COTL1: variants seen among roughly 807,000 people sequenced by gnomAD.
COTL1 encodes coactosin like F-actin binding protein 1.
Under a neutral mutation model 16.5 loss-of-function variants are expected in COTL1, and 15 were observed. That is an observed-to-expected ratio of 0.91 (90% CI 0.61 to 1.40). COTL1 has a LOEUF of 1.40. Ranked by LOEUF, COTL1 falls within the 40% of genes most tolerant of loss-of-function variation. COTL1 has a pLI of 0.00. For synonymous variants in COTL1, 112 were observed against 85.3 expected (o/e 1.31, Z -1.73); for missense variants, 220 against 201.5 (o/e 1.09, Z -0.56).
rs1473103307 is a variant in COTL1, at chr16:84,590,305, C to G, written c.161-43G>C. ...AAGAGAACATGGTGCTGCGTTAAAA[C>G]ACCCCCATGTCATGTCCCTGGGGAG... is the stretch of plus-strand genomic sequence containing the variant. On this transcript the variant is annotated intron_variant, in intron 2 of 3. Coordinates refer to ENST00000262428, the MANE Select transcript of COTL1 (RefSeq NM_021149.5). This position sits in a 1 kb window ranked among gnomAD's most constrained non-coding sequence, Gnocchi z 5.5. The G allele has an allele frequency of 1.9e-6, 3 of 1,600,216 alleles. No individual in the cohort carries two copies. In the African/African-American group the frequency reaches 4.0e-5, roughly 21 times the overall value.
At chr16:84,589,868 C>G (rs1228561496) in intron 3 of COTL1, among the ~76,000 whole-genome samples, 2 of 152,166 alleles carry the variant, frequency 1.3e-5, no homozygotes, top group Non-Finnish European at 2.9e-5. Flanking sequence ...ACCCAGCTGC[C>G]AAGCTTCTGT....
intron 2 of COTL1, among the ~76,000 whole-genome samples, chr16:84,614,134 G>A (rs1269218619): frequency 2.0e-5 from 3 of 152,234 alleles, no homozygotes; most frequent in Non-Finnish European, 2.9e-5. Context: ...CAGGCTAGAG[G>A]CCACAGTGGA....
intron 3 of COTL1, chr16:84,577,180 A>AAACT (rs1904471723): frequency 6.6e-6 from 1 of 152,162 alleles, no homozygotes; most frequent in Non-Finnish European, 1.5e-5. Flanking sequence ...GAGGTTTTAA[A>AAACT]AACTCTACCA....
At chr16:84,581,107 A>G (rs1283514592) in intron 3 of COTL1, among the ~76,000 whole-genome samples, 1 of 151,026 alleles carries the variant, frequency 6.6e-6, no homozygotes, top group Non-Finnish European at 1.5e-5. Flanking sequence ...TCGCCACTGC[A>G]CTCCAGCCTA....
At chr16:84,581,251 C>CA (rs1904585740) in intron 3 of COTL1, among the ~76,000 whole-genome samples, 1 of 152,112 alleles carries the variant, frequency 6.6e-6, no homozygotes, top group South Asian at 2.1e-4. Flanking sequence ...TGCATCAGGC[C>CA]AAAAAGGCCC....
chr16:84,588,459 A>G (rs560269439), intron 3 of COTL1, among the ~76,000 whole-genome samples: 2 of 152,210 alleles, frequency 1.3e-5, no homozygotes, highest in African/African-American at 4.8e-5. Context: ...TTTCTGTTCT[A>G]AGGTCCAATT....
chr16:84,579,618 G>A (rs2967845), intron 3 of COTL1, among the ~76,000 whole-genome samples: 19,901 of 152,242 alleles, frequency 0.13, 2,946 homozygotes, highest in African/African-American at 0.36. Context: ...TGTGAGGTGG[G>A]GGGTAGTGGC....
intron 2 of COTL1, among the ~76,000 whole-genome samples, chr16:84,591,821 C>G (rs1176212167): frequency 1.4e-4 from 4 of 27,846 alleles, no homozygotes. Flanking sequence ...GAGACCCTGT[C>G]TCAAATAAAA....
intron 3 of COTL1, among the ~76,000 whole-genome samples, chr16:84,578,848 T>C (rs1018744519): frequency 6.7e-6 from 1 of 149,568 alleles, no homozygotes. Context: ...GAAACACAGG[T>C]ATGCACACAC....
In COTL1 at chr16:84,617,565, G is replaced by A. The variant is rs1178694230; in HGVS notation, c.96C>T (p.Asp32=). 6 of 1,557,206 alleles carry A rather than the reference G, an allele frequency of 3.9e-6. No homozygotes were observed. In the South Asian group the frequency reaches 7.1e-5, roughly 18 times the overall value. ...SAVIWVTFKY[D]GSTIVPGEQG... Reference sequence around the variant, plus strand: ...GCTCGCCGGGGACGATGGTGGAGCCGTCATATTTAAAAGTCACCCTTTGGG... The same window carrying A: ...GCTCGCCGGGGACGATGGTGGAGCCATCATATTTAAAAGTCACCCTTTGGG... Residue 32 remains aspartate (D), a synonymous_variant, in exon 2 of 4, where the codon GAC becomes GAT. Coordinates refer to ENST00000262428, the MANE Select transcript of COTL1 (RefSeq NM_021149.5).
chr16:84,610,909 G>A (rs960538383), intron 2 of COTL1, among the ~76,000 whole-genome samples: 1 of 151,970 alleles, frequency 6.6e-6, no homozygotes, highest in African/African-American at 2.4e-5. Context: ...AGCCTTTTCT[G>A]GTAACCACCC....
chr16:84,592,015 G>C (rs1271816616), intron 2 of COTL1, among the ~76,000 whole-genome samples: 2 of 152,126 alleles, frequency 1.3e-5, no homozygotes, highest in Non-Finnish European at 2.9e-5. Flanking sequence ...CATTCTCTCT[G>C]GTAGGAACCA....
At chr16:84,583,904 T>C (rs1904659231) in intron 3 of COTL1, among the ~76,000 whole-genome samples, 1 of 152,158 alleles carries the variant, frequency 6.6e-6, no homozygotes, top group African/African-American at 2.4e-5. Flanking sequence ...GCTGCATGCC[T>C]TCTGGATTCC....
chr16:84,595,516 T>G (rs1315271223), intron 2 of COTL1: 1 of 152,210 alleles, frequency 6.6e-6, no homozygotes, highest in Non-Finnish European at 1.5e-5. Flanking sequence ...GGGGAATCGC[T>G]AGTTCTTCAT....
At chr16:84,607,033 T>C (rs1017328248) in intron 2 of COTL1, among the ~76,000 whole-genome samples, 3 of 152,066 alleles carry the variant, frequency 2.0e-5, no homozygotes, top group Admixed American at 1.3e-4. Flanking sequence ...AACACACCCA[T>C]GGGGGAAAGA....
intron 2 of COTL1, among the ~76,000 whole-genome samples, chr16:84,599,565 G>A (rs779626796): frequency 1.6e-4 from 25 of 152,072 alleles, no homozygotes; most frequent in Non-Finnish European, 2.8e-4. Context: ...CACCTTATAC[G>A]TTATCTGTGG....
chr16:84,605,732 G>A (rs1405571566), intron 2 of COTL1, among the ~76,000 whole-genome samples: 1 of 152,252 alleles, frequency 6.6e-6, no homozygotes, highest in Non-Finnish European at 1.5e-5. Flanking sequence ...GAGCCTCCAG[G>A]AGAAAGCAGC....
intron 3 of COTL1, chr16:84,575,893 A>T (rs1352425860): frequency 1.3e-5 from 2 of 152,234 alleles, no homozygotes. Flanking sequence ...GGGCTTGCAC[A>T]CTTGATGAGA....
chr16:84,599,702 C>G (rs1905073617), intron 2 of COTL1, among the ~76,000 whole-genome samples: 1 of 152,174 alleles, frequency 6.6e-6, no homozygotes, highest in Non-Finnish European at 1.5e-5. Context: ...GATTGCAGCT[C>G]ACTCTAAAGC....
Sources: allele counts gnomAD v4.1 joint callset (sites outside exome capture counted in the v4.1 genomes callset), GRCh38; gene constraint gnomAD v4.1.1; non-coding constraint Gnocchi (gnomAD v3.1); transcripts MANE v1.5; gene names NCBI Gene and HGNC (gene_info 2026-07-23, HGNC 2026-07-21).